The following ATM variants were observed in gnomAD, a reference collection of about 807,000 sequenced individuals.
ATM encodes serine-protein kinase ATM.
ATM carries 308 observed loss-of-function variants against 387.0 expected under a neutral mutation model. The ratio of observed to expected loss-of-function variants is 0.80; its 90% CI spans 0.73 to 0.87. The LOEUF (loss-of-function observed/expected upper bound fraction) is 0.87, where lower values mean the gene tolerates loss of function less well. ATM is among the 40% of genes least tolerant of loss of function. The pLI is 0.00. For synonymous variants in ATM, 1,156 were observed against 1,187.3 expected (o/e 0.97, Z 0.54); for missense variants, 3,312 against 3,560.9 (o/e 0.93, Z 1.78).
At chr11:108,364,165 T>C (rs1048601041) in intron 61 of ATM, among the ~76,000 whole-genome samples, 1 of 152,150 alleles carries the variant, frequency 6.6e-6, no homozygotes, top group Non-Finnish European at 1.5e-5. Context: ...CTAAAGGCAT[T>C]TTATAGTCCC....
rs752476328 is a variant in ATM, at chr11:108,329,041, T to C, written c.7110T>C (p.Asn2370=). The change falls in exon 49 of 63, where the codon AAT becomes AAC. Residue 2370 remains asparagine, a synonymous_variant. Coordinates refer to ENST00000675843, the MANE Select transcript of ATM (RefSeq NM_000051.4). ...YLEKAVEVAG[N]YDGESSDELR... is the part of the protein sequence containing the mutation. ...TGAAGGCAGTAGAAGTTGCTGGAAATTATGATGGAGAAAGTAGTGATGAGC... is the reference window on the plus strand; with the variant it reads ...TGAAGGCAGTAGAAGTTGCTGGAAACTATGATGGAGAAAGTAGTGATGAGC... 2 of 1,613,976 alleles carry C rather than the reference T, an allele frequency of 1.2e-6. No individual in the cohort carries two copies. Among genetic ancestry groups the C allele is most frequent in the Non-Finnish European group, 1.7e-6 (2 of 1,179,984 alleles).
intron 46 of ATM, 44 bp downstream of exon 46, chr11:108,325,588 C>T (rs773773721): frequency 6.7e-7 from 1 of 1,487,748 alleles, no homozygotes; most frequent in East Asian, 2.3e-5. Context: ...CTTGACTTTC[C>T]TTTTATTATT....
Position 108,365,069 on chromosome 11 carries a change from T to C in ATM, c.8851-13T>C. Reference sequence around the variant, plus strand: ...TACATTGTTCTTTTAATACATATGTTCTCTCTGTTTAGGTCCTTCTATATG... The same window carrying C: ...TACATTGTTCTTTTAATACATATGTCCTCTCTGTTTAGGTCCTTCTATATG... On this transcript the variant is annotated splice_polypyrimidine_tract_variant and intron_variant, in intron 61 of 62. Coordinates refer to ENST00000675843, the MANE Select transcript of ATM (RefSeq NM_000051.4). 1 of 1,613,520 alleles carries C rather than the reference T, an allele frequency of 6.2e-7. No homozygotes were observed. Among genetic ancestry groups the C allele is most frequent in the Non-Finnish European group, 8.5e-7 (1 of 1,179,464 alleles).
chr11:108,295,358 A>G (rs2083065844), intron 32 of ATM: 2 of 344,382 alleles, frequency 5.8e-6, no homozygotes, highest in Non-Finnish European at 1.1e-5. Flanking sequence ...TAAGAGTCTC[A>G]CTCTGTCACC....
intron 16 of ATM, among the ~76,000 whole-genome samples, chr11:108,266,574 A>G (rs2081256840): frequency 6.6e-6 from 1 of 151,740 alleles, no homozygotes; most frequent in South Asian, 2.1e-4. Context: ...AGCATGGCAC[A>G]TGTATACATA....
At position 108,366,485 on chromosome 11, in the gene ATM, G is replaced by A. The variant is rs2091338702; in HGVS notation, c.*977G>A. On this transcript the variant is annotated 3_prime_UTR_variant, in exon 63 of 63. Coordinates refer to ENST00000675843, the MANE Select transcript of ATM (RefSeq NM_000051.4). ...AGTTCTATTAAATTTAGTTCCTGCT[G>A]TTTATATCTGTTGATTTTTGTATTT... The A allele has an allele frequency of 4.4e-6, 1 of 225,008 alleles. No homozygotes were observed. The highest frequency in any genetic ancestry group is 8.8e-6 in the Non-Finnish European group (1 of 113,196). 13.9% of individuals were successfully genotyped at this position (225,008 alleles called of 1,614,324 possible). A position where few individuals can be genotyped will look rare whatever the true frequency, so the allele number is the denominator to read the frequency against.
Position 108,281,141 on chromosome 11 carries a change from T to C in ATM, c.3549T>C (p.Asn1183=), listed in dbSNP as rs767377764. The change falls in exon 24 of 63, where the codon AAT becomes AAC. Residue 1183 remains asparagine, a synonymous_variant. Coordinates refer to ENST00000675843, the MANE Select transcript of ATM (RefSeq NM_000051.4). ...CCCTGTGTAAATCTGTGAAAGAGAATGGATTAGAACCTCACCTTGTGAAAA... is the reference window on the plus strand; with the variant it reads ...CCCTGTGTAAATCTGTGAAAGAGAACGGATTAGAACCTCACCTTGTGAAAA... ...LFALCKSVKE[N]GLEPHLVKKV... 9.3e-6 allele frequency: 15 copies of C among 1,613,910 alleles called. No individual in the cohort carries two copies. Among genetic ancestry groups the C allele is most frequent in the Admixed American group, 6.7e-5 (4 of 60,006 alleles).
At position 108,250,702 on chromosome 11, in the gene ATM, C is replaced by G. The variant is rs1565381686; in HGVS notation, c.1237C>G (p.Leu413Val). The G allele has an allele frequency of 6.5e-7, 1 of 1,550,208 alleles. No homozygotes were observed. The highest frequency in any genetic ancestry group is 1.5e-5 in the African/African-American group (1 of 68,438). Reference sequence around the variant, plus strand: ...ATTATCCTTTTTTTTTTTTTTTAGGCTACAGATTGCAACCCAATTAATATC... The same window carrying G: ...ATTATCCTTTTTTTTTTTTTTTAGGGTACAGATTGCAACCCAATTAATATC... ...SQNDFDLVPW[L>V]QIATQLISKY... Residue 413 changes from leucine (L) to valine (V), a missense_variant and splice_region_variant, in exon 10 of 63, where the codon CTA becomes GTA. By Grantham distance (32) the Leu-to-Val change is conservative. Around this residue, in one of 4 missense-constraint regions of ATM, gnomAD observed 1,791 missense variants for 1,804.5 expected, o/e 0.99. Transcript: ENST00000675843.
intron 37 of ATM, among the ~76,000 whole-genome samples, chr11:108,305,910 A>G (rs960194682): frequency 6.6e-6 from 1 of 152,160 alleles, no homozygotes; most frequent in African/African-American, 2.4e-5. Flanking sequence ...TTATATGCAA[A>G]CATAAAGCTA....
intron 59 of ATM, among the ~76,000 whole-genome samples, chr11:108,353,155 A>AT (rs540346489): frequency 1.0e-3 from 152 of 147,530 alleles, no homozygotes; most frequent in Middle Eastern, 3.5e-3. Flanking sequence ...AATGTCATTA[A>AT]TTTTTTTTTT....
intron 1 of ATM, 171 bp from the exon 2 acceptor site, chr11:108,227,424 T>C: frequency 1.9e-6 from 1 of 530,204 alleles, no homozygotes; most frequent in Non-Finnish European, 3.3e-6. Flanking sequence ...ACGGAAATGT[T>C]AAGAAAAATT....
chr11:108,277,700 G>A (rs970463019), intron 22 of ATM, among the ~76,000 whole-genome samples: 1 of 152,028 alleles, frequency 6.6e-6, no homozygotes, highest in African/African-American at 2.4e-5. Context: ...CTCTCCCTCC[G>A]TGGGCTGCAC....
intron 39 of ATM, 26 bp downstream of exon 39, chr11:108,310,341 T>A: frequency 6.3e-7 from 1 of 1,598,432 alleles, no homozygotes. Context: ...ATTTTTGGTT[T>A]TTAAAATTAA....
rs1565375220 is a variant in ATM, at chr11:108,247,031, A to G, written c.969A>G (p.Ile323Met). Residue 323 changes from isoleucine (I) to methionine (M), a missense_variant, in exon 8 of 63, where the codon ATA becomes ATG. Physicochemically the swap from Ile to Met is conservative, Grantham distance 10. Around this residue, in one of 4 missense-constraint regions of ATM, gnomAD observed 1,791 missense variants for 1,804.5 expected, o/e 0.99. Coordinates refer to ENST00000675843, the MANE Select transcript of ATM (RefSeq NM_000051.4). ...TATATGATCTGCTAGTGAATGAGATAAGTCATATAGGAAGTAGAGGAAAGT... is the reference window on the plus strand; with the variant it reads ...TATATGATCTGCTAGTGAATGAGATGAGTCATATAGGAAGTAGAGGAAAGT... ...YNLYDLLVNEISHIGSRGKYS... is the reference protein window; with the variant it reads ...YNLYDLLVNEMSHIGSRGKYS... 1 of 1,613,564 alleles carries G rather than the reference A, an allele frequency of 6.2e-7. No homozygotes were observed. Among genetic ancestry groups the G allele is most frequent in the Non-Finnish European group, 8.5e-7 (1 of 1,179,604 alleles).
intron 56 of ATM, among the ~76,000 whole-genome samples, chr11:108,337,103 G>A (rs2086937373): frequency 6.6e-6 from 1 of 152,118 alleles, no homozygotes; most frequent in African/African-American, 2.4e-5. Context: ...GAATAAATTA[G>A]ATCTACCCTC....
chr11:108,322,560 T>C (rs776188337), intron 45 of ATM, among the ~76,000 whole-genome samples: 1 of 152,220 alleles, frequency 6.6e-6, no homozygotes, highest in Non-Finnish European at 1.5e-5. Context: ...TTGCTTCTTA[T>C]AATGGTGAGA....
At chr11:108,307,833 A>G in intron 37 of ATM, 64 bp from the exon 38 acceptor site, 1 of 1,421,928 alleles carries the variant, frequency 7.0e-7, no homozygotes, top group Non-Finnish European at 9.9e-7. Flanking sequence ...ACACATAAAC[A>G]AGAAGGAAGA....
At chr11:108,256,092 C>T (rs915841682) in intron 13 of ATM, 123 bp from the exon 14 acceptor site, 8 of 874,312 alleles carry the variant, frequency 9.2e-6, no homozygotes, top group East Asian at 3.5e-5. Flanking sequence ...GGATATGCCA[C>T]CTTTAACTCA....
intron 61 of ATM, among the ~76,000 whole-genome samples, chr11:108,357,087 C>T (rs534666241): frequency 1.1e-4 from 16 of 152,334 alleles, no homozygotes; most frequent in East Asian, 5.8e-4. Flanking sequence ...AGTGGGTGCA[C>T]GCACTGTGCG....
Sources: allele counts gnomAD v4.1 joint callset (sites outside exome capture counted in the v4.1 genomes callset), GRCh38; gene constraint gnomAD v4.1.1; regional missense constraint gnomAD v4.1.1; transcripts MANE v1.5; gene names NCBI Gene and HGNC (gene_info 2026-07-23, HGNC 2026-07-21).